GRK5: variants seen among roughly 807,000 people sequenced by gnomAD.
GRK5 encodes the protein g protein-coupled receptor kinase GRK5.
A neutral mutation model predicts 78.4 loss-of-function variants in GRK5; 40 were observed. The observed-to-expected ratio is 0.51, with a 90% CI of 0.40 to 0.66. GRK5 has a LOEUF of 0.66. Ranked by LOEUF, GRK5 falls within the 30% of genes least tolerant of loss-of-function variation. The probability of loss-of-function intolerance (pLI) is 0.00; values close to 1 mark genes in which losing one functional copy is unlikely to be tolerated. For synonymous variants in GRK5, 289 were observed against 296.8 expected, an observed-to-expected ratio of 0.97 and a Z score of 0.27; for missense variants, 598 against 759.9, an observed-to-expected ratio of 0.79 and a Z score of 2.50.
chr10:119,402,729 C>T (rs1852170003), intron 4 of GRK5, among the ~76,000 whole-genome samples: 1 of 152,156 alleles, frequency 6.6e-6, no homozygotes, highest in Non-Finnish European at 1.5e-5. Flanking sequence ...TGGCCCACAC[C>T]TGTAATCCCA....
At chr10:119,305,650 G>T (rs750877248) in intron 1 of GRK5, among the ~76,000 whole-genome samples, 6 of 152,312 alleles carry the variant, frequency 3.9e-5, no homozygotes, top group Non-Finnish European at 7.3e-5. Context: ...GCCGGGTGAA[G>T]TAGGGGCAGC....
intron 1 of GRK5, among the ~76,000 whole-genome samples, chr10:119,223,565 G>A (rs1848690493): frequency 6.6e-6 from 1 of 152,062 alleles, no homozygotes; most frequent in Non-Finnish European, 1.5e-5. Context: ...TACTCTGACC[G>A]GGTCCCCAAA....
intron 2 of GRK5, among the ~76,000 whole-genome samples, chr10:119,376,921 T>G (rs1851630466): frequency 6.6e-6 from 1 of 152,072 alleles, no homozygotes; most frequent in Non-Finnish European, 1.5e-5. Flanking sequence ...GAGGAAAAGA[T>G]CAATGAGGCA....
intron 2 of GRK5, among the ~76,000 whole-genome samples, chr10:119,365,455 T>G (rs1851432115): frequency 6.6e-6 from 1 of 152,236 alleles, no homozygotes; most frequent in African/African-American, 2.4e-5. Context: ...GAAGCAGCTA[T>G]GCTTCATGGC....
chr10:119,322,485 A>G (rs1027882234), intron 1 of GRK5, among the ~76,000 whole-genome samples: 6 of 152,256 alleles, frequency 3.9e-5, no homozygotes, highest in African/African-American at 1.2e-4. Flanking sequence ...CTTCCCTGCT[A>G]GCGACACTGT....
intron 2 of GRK5, among the ~76,000 whole-genome samples, chr10:119,344,328 G>C (rs291972): frequency 0.17 from 25,737 of 151,590 alleles, 2,642 homozygotes; most frequent in African/African-American, 0.28. Context: ...ATCCCTCCCC[G>C]CTTCCCCCAC....
intron 3 of GRK5, among the ~76,000 whole-genome samples, chr10:119,388,141 G>A (rs1446848971): frequency 6.6e-6 from 1 of 151,448 alleles, no homozygotes; most frequent in Non-Finnish European, 1.5e-5. Flanking sequence ...TTTTTTTAGA[G>A]ATGGGGTCTC....
intron 1 of GRK5, among the ~76,000 whole-genome samples, chr10:119,308,179 C>T (rs1369912140): frequency 1.3e-5 from 2 of 152,076 alleles, no homozygotes; most frequent in Non-Finnish European, 2.9e-5. Context: ...CATAAGTGCC[C>T]GGGTTTATCT....
intron 1 of GRK5, among the ~76,000 whole-genome samples, chr10:119,233,608 G>A (rs1249366963): frequency 1.3e-5 from 2 of 152,108 alleles, no homozygotes; most frequent in African/African-American, 2.4e-5. Context: ...TTCCTGTTTG[G>A]GTGAACGTGT....
chr10:119,294,256 G>A (rs1180407196), intron 1 of GRK5, among the ~76,000 whole-genome samples: 2 of 152,126 alleles, frequency 1.3e-5, no homozygotes, highest in African/African-American at 4.8e-5. Flanking sequence ...TTGGTAAGGT[G>A]AGACTATAAC....
rs567249423 is a variant in GRK5 at position 119,230,802 on chromosome 10, G to C, written c.52+22833G>C. On this transcript the variant is annotated intron_variant, in intron 1 of 15. Transcript: ENST00000392870. ...GCTATAATTACATCACTGTACTCTA[G>C]CCTGGGTGGCAGAGTGAGACCCTAT... Among the ~76,000 whole-genome samples the C allele has an allele frequency of 3.0e-5, 4 of 132,260 alleles. No individual in the cohort carries two copies. In the South Asian group the frequency reaches 1.0e-3, roughly 33 times the overall value. The allele number at this position is 132,260 out of a possible 152,430, so 86.8% of individuals were successfully genotyped here. A position where few individuals can be genotyped will look rare whatever the true frequency, so the allele number is the denominator to read the frequency against.
rs1456282362 is a variant in GRK5, at chr10:119,238,620, C to T, written c.52+30651C>T. Among the ~76,000 whole-genome samples, 5 of 152,134 alleles carry T rather than the reference C, an allele frequency of 3.3e-5. No individual in the cohort carries two copies. The highest frequency in any genetic ancestry group is 3.8e-4 in the East Asian group (2 of 5,202). On this transcript the variant is annotated intron_variant, in intron 1 of 15. Coordinates refer to ENST00000392870, the MANE Select transcript of GRK5 (RefSeq NM_005308.3). The surrounding 1 kb of genome is among the most constrained non-coding windows in gnomAD (Gnocchi z 4.7). ...TCTCTTAGACATGTAGGGTTCGCGCCGTTGACCTGAGCTTCAGTGCCAGAG... is the reference window on the plus strand; with the variant it reads ...TCTCTTAGACATGTAGGGTTCGCGCTGTTGACCTGAGCTTCAGTGCCAGAG...
At chr10:119,245,059 C>T (rs540982505) in intron 1 of GRK5, among the ~76,000 whole-genome samples, 7 of 152,180 alleles carry the variant, frequency 4.6e-5, no homozygotes, top group Non-Finnish European at 8.8e-5. Flanking sequence ...GGGTGGATCA[C>T]GAGGTCAGAA....
intron 1 of GRK5, among the ~76,000 whole-genome samples, chr10:119,320,517 C>T (rs1300886593): frequency 6.6e-6 from 1 of 152,184 alleles, no homozygotes; most frequent in Non-Finnish European, 1.5e-5. Flanking sequence ...GACTGACCGA[C>T]CAGTGCTTCC....
chr10:119,447,563 G>C (rs758867654), intron 12 of GRK5, among the ~76,000 whole-genome samples: 4 of 152,070 alleles, frequency 2.6e-5, no homozygotes, highest in Admixed American at 6.5e-5. Context: ...CCTCTTCCCC[G>C]TGCAGCTCCC....
At position 119,442,059 on chromosome 10, in the gene GRK5, G is replaced by T. The variant is rs776745178; in HGVS notation, c.1028G>T (p.Arg343Leu). The T allele has an allele frequency of 6.2e-7, 1 of 1,613,952 alleles. No individual in the cohort carries two copies. Among genetic ancestry groups the T allele is most frequent in the South Asian group, 1.1e-5 (1 of 91,088 alleles). ...AAGATCCCCGAGGGAGACCTGATCCGCGGCCGGGTGGGCACTGTTGGCTAC... is the reference window on the plus strand; with the variant it reads ...AAGATCCCCGAGGGAGACCTGATCCTCGGCCGGGTGGGCACTGTTGGCTAC... ...AVKIPEGDLI[R>L]GRVGTVGYMA... Residue 343 changes from arginine to leucine, a missense_variant, in exon 11 of 16, where the codon CGC becomes CTC. Transcript: ENST00000392870.
intron 2 of GRK5, among the ~76,000 whole-genome samples, chr10:119,344,698 G>A (rs1455536664): frequency 1.3e-5 from 2 of 152,198 alleles, no homozygotes; most frequent in East Asian, 3.9e-4. Context: ...TGTGCGTGGG[G>A]CCGTCTAGCC....
chr10:119,433,329 C>T (rs1232844252), intron 8 of GRK5, among the ~76,000 whole-genome samples: 2 of 152,226 alleles, frequency 1.3e-5, no homozygotes, highest in African/African-American at 2.4e-5. Context: ...TGGATGCTGC[C>T]TATGGAGCCT....
At chr10:119,241,236 G>A (rs1335795382) in intron 1 of GRK5, among the ~76,000 whole-genome samples, 1 of 152,138 alleles carries the variant, frequency 6.6e-6, no homozygotes, top group Non-Finnish European at 1.5e-5. Flanking sequence ...GAATCAAATG[G>A]AGAAGAGCAA....
Sources: gnomAD v4.1 joint callset for allele counts (sites outside exome capture counted in the v4.1 genomes callset) on GRCh38, gnomAD v4.1.1 for gene constraint, Gnocchi (gnomAD v3.1) non-coding constraint, MANE v1.5 for transcripts, NCBI Gene and HGNC (gene_info 2026-07-23, HGNC 2026-07-21) for gene names.